CEP57: variants seen among roughly 807,000 people sequenced by gnomAD.
CEP57 encodes the protein centrosomal protein of 57 kDa.
A neutral mutation model predicts 68.0 loss-of-function variants in CEP57; 40 were observed. The observed-to-expected ratio is 0.59, with a 90% confidence interval of 0.46 to 0.77. The LOEUF (loss-of-function observed/expected upper bound fraction) is 0.77, where lower values mean the gene tolerates loss of function less well. Ranked by LOEUF, CEP57 falls within the 30% of genes least tolerant of loss-of-function variation. The pLI is 0.00. For missense variants in CEP57, 606 were observed against 580.7 expected (o/e 1.04, Z -0.45); for synonymous variants, 219 against 198.7 (o/e 1.10, Z -0.86).
At chr11:95,817,187 GA>G (rs951040679) in intron 4 of CEP57, among the ~76,000 whole-genome samples, 5 of 150,732 alleles carry the variant, frequency 3.3e-5, no homozygotes, top group African/African-American at 9.8e-5. Flanking sequence ...CTAACACGAT[GA>G]AACCACGTCA....
intron 6 of CEP57, among the ~76,000 whole-genome samples, chr11:95,820,419 C>T (rs867043145): frequency 3.3e-5 from 5 of 151,836 alleles, no homozygotes; most frequent in Middle Eastern, 3.4e-3. Context: ...CATGGTGAAA[C>T]GCTGTCTACT....
intron 4 of CEP57, among the ~76,000 whole-genome samples, chr11:95,813,983 G>A (rs1338784446): frequency 6.6e-6 from 1 of 152,198 alleles, no homozygotes; most frequent in Non-Finnish European, 1.5e-5. Context: ...TCTTACACCA[G>A]AGATCTTCGT....
intron 7 of CEP57, 127 bp from the exon 8 acceptor site, chr11:95,822,372 T>G: frequency 1.4e-6 from 1 of 728,050 alleles, no homozygotes; most frequent in Non-Finnish European, 2.4e-6. Flanking sequence ...CTTGTGATCA[T>G]AATGCCAACT....
chr11:95,808,224 A>G (rs559548702), intron 2 of CEP57, among the ~76,000 whole-genome samples: 1 of 152,348 alleles, frequency 6.6e-6, no homozygotes, highest in South Asian at 2.1e-4. Context: ...GAACAACTAA[A>G]CATGGAAAGG....
intron 2 of CEP57, among the ~76,000 whole-genome samples, chr11:95,801,025 C>T (rs886094979): frequency 1.3e-5 from 2 of 152,170 alleles, no homozygotes; most frequent in African/African-American, 4.8e-5. Context: ...TTTTTGACAT[C>T]GTAGGCTAAA....
intron 2 of CEP57, among the ~76,000 whole-genome samples, chr11:95,804,429 T>C (rs1311199693): frequency 1.3e-5 from 2 of 152,198 alleles, no homozygotes; most frequent in Non-Finnish European, 2.9e-5. Context: ...AAGCCTTAAA[T>C]GTTGGGGTAC....
At chr11:95,816,115 A>ATGTAGGTTTAATT (rs1862286593) in intron 4 of CEP57, among the ~76,000 whole-genome samples, 1 of 152,212 alleles carries the variant, frequency 6.6e-6, no homozygotes, top group African/African-American at 2.4e-5. Context: ...ATTGACTCAC[A>ATGTAGGTTTAATT]GTTCTGTATG....
intron 2 of CEP57, among the ~76,000 whole-genome samples, chr11:95,809,610 T>G (rs965724704): frequency 5.3e-5 from 8 of 152,062 alleles, no homozygotes; most frequent in Admixed American, 4.6e-4. Context: ...AAGAAATGGG[T>G]AAATTACTGG....
intron 1 of CEP57, among the ~76,000 whole-genome samples, chr11:95,792,444 C>A (rs1320610754): frequency 6.6e-6 from 1 of 152,148 alleles, no homozygotes; most frequent in East Asian, 1.9e-4. Context: ...AGTGCCACTG[C>A]TCTCCAGCCT....
At chr11:95,794,840 G>A (rs1180054055) in intron 1 of CEP57, among the ~76,000 whole-genome samples, 1 of 151,794 alleles carries the variant, frequency 6.6e-6, no homozygotes. Context: ...TAATTTACTT[G>A]AAATTAATTT....
At chr11:95,827,349 T>G (rs747156799) in intron 8 of CEP57, 2 of 180,828 alleles carry the variant, frequency 1.1e-5, no homozygotes, top group Non-Finnish European at 1.2e-5. Flanking sequence ...ATGAGAGAGA[T>G]GTAAAAAGTG....
intron 2 of CEP57, among the ~76,000 whole-genome samples, chr11:95,805,600 T>C (rs1861764295): frequency 6.6e-6 from 1 of 152,202 alleles, no homozygotes; most frequent in Admixed American, 6.5e-5. Flanking sequence ...AGACGGCAGC[T>C]CTCCCTACCT....
chr11:95,803,103 CTGAT>C (rs1861650186), intron 2 of CEP57, among the ~76,000 whole-genome samples: 1 of 151,960 alleles, frequency 6.6e-6, no homozygotes, highest in Non-Finnish European at 1.5e-5. Flanking sequence ...GAACAGGAGA[CTGAT>C]TAAGGAAAGA....
intron 2 of CEP57, among the ~76,000 whole-genome samples, chr11:95,802,489 G>A (rs957071438): frequency 6.6e-5 from 10 of 151,994 alleles, no homozygotes; most frequent in Non-Finnish European, 1.2e-4. Context: ...TCTTGACCTC[G>A]TGATCCGCCC....
intron 2 of CEP57, among the ~76,000 whole-genome samples, chr11:95,803,088 A>T (rs1861649681): frequency 6.6e-6 from 1 of 152,222 alleles, no homozygotes; most frequent in African/African-American, 2.4e-5. Flanking sequence ...TGAAGCAACA[A>T]GACAGAACAG....
intron 6 of CEP57, among the ~76,000 whole-genome samples, chr11:95,821,218 T>G (rs1862505712): frequency 6.6e-6 from 1 of 152,060 alleles, no homozygotes; most frequent in Admixed American, 6.6e-5. Context: ...TTTTGTTTTG[T>G]TTTTTTAAAA....
At chr11:95,801,570 A>G (rs1358960260) in intron 2 of CEP57, among the ~76,000 whole-genome samples, 1 of 152,188 alleles carries the variant, frequency 6.6e-6, no homozygotes, top group African/African-American at 2.4e-5. Context: ...TAACAGGAAC[A>G]CAAAATCTAA....
rs768336467 is a variant in CEP57 at position 95,813,500 on chromosome 11, A to G, written c.415A>G (p.Lys139Glu). ...LTSQLLAAEN[K>E]CNLLEKQLEY... The stretch of plus-strand genomic sequence containing the variant: ...ATCTCAGTTGTTAGCTGCAGAAAAT[A>G]AATGCAATCTATTAGAAAAACAATT... The change falls in exon 4 of 11, where the codon AAA becomes GAA. Residue 139 changes from lysine (K) to glutamate (E), a missense_variant. Lys to Glu is a moderately conservative substitution (Grantham distance 56). Transcript: ENST00000325542. 2 of 1,612,826 alleles carry G rather than the reference A, an allele frequency of 1.2e-6. No homozygotes were observed. The highest frequency in any genetic ancestry group is 1.3e-5 in the African/African-American group (1 of 75,050).
At chr11:95,812,089 A>G (rs1211519258) in intron 2 of CEP57, among the ~76,000 whole-genome samples, 1 of 152,182 alleles carries the variant, frequency 6.6e-6, no homozygotes, top group East Asian at 1.9e-4. Context: ...CAGTCAACAT[A>G]ATTTTATAAT....
Sources: gnomAD v4.1 joint callset for allele counts (sites outside exome capture counted in the v4.1 genomes callset) on GRCh38, gnomAD v4.1.1 for gene constraint, MANE v1.5 for transcripts, NCBI Gene and HGNC (gene_info 2026-07-23, HGNC 2026-07-21) for gene names.